The following MPRIP variants were observed in gnomAD, a reference collection of about 807,000 sequenced individuals.
MPRIP encodes the protein myosin phosphatase Rho-interacting protein.
Under a neutral mutation model 234.9 loss-of-function variants are expected in MPRIP, and 59 were observed. The observed-to-expected ratio is 0.25, with a 90% confidence interval of 0.20 to 0.31. MPRIP has a LOEUF of 0.31. Ranked by LOEUF, MPRIP falls within the 10% of genes least tolerant of loss-of-function variation. The pLI is 1.00. For missense variants in MPRIP, 2,436 were observed against 3,071.0 expected, an observed-to-expected ratio of 0.79 and a Z score of 4.89; for synonymous variants, 1,144 against 1,263.9, an observed-to-expected ratio of 0.91 and a Z score of 2.01.
At chr17:17,114,226 G>A (rs1445355349) in intron 3 of MPRIP, among the ~76,000 whole-genome samples, 1 of 151,974 alleles carries the variant, frequency 6.6e-6, no homozygotes, top group African/African-American at 2.4e-5. Flanking sequence ...TTGGCCATTT[G>A]TATATCTTCT....
intron 11 of MPRIP, 79 bp downstream of exon 11, chr17:17,147,466 C>G: frequency 7.4e-7 from 1 of 1,352,718 alleles, no homozygotes; most frequent in Non-Finnish European, 1.1e-6. Context: ...AGATCTGCTT[C>G]CCCCTGGGCT....
intron 4 of MPRIP, among the ~76,000 whole-genome samples, chr17:17,131,308 G>T (rs2090591895): frequency 6.6e-6 from 1 of 152,236 alleles, no homozygotes; most frequent in African/African-American, 2.4e-5. Flanking sequence ...CACTCTGGGA[G>T]AGCAGTGTTA....
intron 5 of MPRIP, among the ~76,000 whole-genome samples, chr17:17,132,227 C>T (rs1832804230): frequency 6.6e-6 from 1 of 152,184 alleles, no homozygotes; most frequent in African/African-American, 2.4e-5. Context: ...GATCCTCCTT[C>T]CCTCCCTGGC....
intron 1 of MPRIP, among the ~76,000 whole-genome samples, chr17:17,047,112 C>G (rs1161286143): frequency 6.6e-6 from 1 of 152,178 alleles, no homozygotes; most frequent in African/African-American, 2.4e-5. Context: ...ACCCAGGAGG[C>G]AGAGGTTGCA....
intron 1 of MPRIP, among the ~76,000 whole-genome samples, chr17:17,067,865 C>G (rs1418499855): frequency 1.4e-5 from 2 of 139,376 alleles, no homozygotes; most frequent in Non-Finnish European, 3.0e-5. Flanking sequence ...TTAGAAATCT[C>G]CAGTAAAACC....
chr17:17,059,867 G>C (rs1207557110), intron 1 of MPRIP, among the ~76,000 whole-genome samples: 3 of 152,186 alleles, frequency 2.0e-5, no homozygotes, highest in African/African-American at 7.2e-5. Context: ...GCTGTTCTGA[G>C]TTCTGGGACC....
chr17:17,074,614 C>A (rs1011675457), intron 1 of MPRIP, among the ~76,000 whole-genome samples: 5 of 152,228 alleles, frequency 3.3e-5, no homozygotes, highest in African/African-American at 1.2e-4. Flanking sequence ...ACGAAAGAAA[C>A]CCCATACCTG....
intron 13 of MPRIP, among the ~76,000 whole-genome samples, chr17:17,155,657 C>CTG (rs1032181726): frequency 6.6e-6 from 1 of 152,276 alleles, no homozygotes; most frequent in Non-Finnish European, 1.5e-5. Flanking sequence ...TTTTCTGTGT[C>CTG]TGTCATTTGT....
Position 17,174,032 on chromosome 17 carries a change from G to A in MPRIP, c.6707G>A (p.Arg2236Gln), listed in dbSNP as rs757260448. Residue 2236 changes from arginine to glutamine, a missense_variant, in exon 19 of 24, where the codon CGG becomes CAG. Transcript: ENST00000651222. ...QALEAERQAL[R>Q]QCQRENQELN... ...CTGGAGGCCGAGCGGCAGGCCCTGC[G>A]GCAGTGCCAGCGTGAGAACCAGGAG... The A allele has an allele frequency of 8.7e-6, 14 of 1,613,286 alleles. No homozygotes were observed. Among genetic ancestry groups the A allele is most frequent in the Admixed American group, 5.0e-5 (3 of 60,002 alleles).
rs529754054 is a variant in MPRIP at position 17,048,578 on chromosome 17, C to T, written c.123+5607C>T. 3.3e-5 allele frequency among the ~76,000 whole-genome samples: 5 copies of T among 152,204 alleles called. No individual in the cohort carries two copies. In the South Asian group the frequency reaches 1.0e-3, roughly 32 times the overall value. On this transcript the variant is annotated intron_variant, in intron 1 of 23. Coordinates refer to ENST00000651222, the MANE Select transcript of MPRIP (RefSeq NM_001364716.4). ...AATCCCATTTCAGACGGCCAAGCAC[C>T]ATGACAAATGCTCAGCGTTGTCATC...
At chr17:17,142,955 C>T (rs945092827) in intron 8 of MPRIP, among the ~76,000 whole-genome samples, 190 bp downstream of exon 8, 4 of 152,168 alleles carry the variant, frequency 2.6e-5, no homozygotes, top group Non-Finnish European at 4.4e-5. Flanking sequence ...GAGCCTTCTC[C>T]GTCTCTGCTG....
intron 11 of MPRIP, 79 bp from the exon 12 acceptor site, chr17:17,150,065 A>G: frequency 9.7e-7 from 1 of 1,029,224 alleles, no homozygotes; most frequent in East Asian, 2.4e-5. Flanking sequence ...AGTGCAGAAA[A>G]TCACTTACGG....
rs1485181220 is a variant in MPRIP at position 17,165,451 on chromosome 17, A to G, written c.3860A>G (p.Asp1287Gly). The change falls in exon 16 of 24, where the codon GAC (aspartate) becomes GGC (glycine). Residue 1287 changes from aspartate to glycine, a missense_variant. Physicochemically the swap from Asp to Gly is moderately conservative, Grantham distance 94. This residue lies in a region of MPRIP where 1,998 missense variants were observed against 2,520.3 expected (regional missense o/e 0.79). Transcript: ENST00000651222. ...GGTGATGGCAGCCCCAGTAGGGAAG[A>G]CAGCATGGTGCCCCCAAAGTCAGTG... ...EYGDGSPSRE[D>G]SMVPPKSVEV... is the part of the protein sequence containing the mutation. 2.3e-6 allele frequency: 3 copies of G among 1,304,114 alleles called. No individual in the cohort carries two copies. The highest frequency in any genetic ancestry group is 2.3e-5 in the Admixed American group (1 of 43,550). The allele number at this position is 1,304,114 out of a possible 1,614,324, so 80.8% of individuals were successfully genotyped here.
chr17:17,098,864 G>C (rs967840222), intron 3 of MPRIP, among the ~76,000 whole-genome samples: 1 of 151,940 alleles, frequency 6.6e-6, no homozygotes, highest in African/African-American at 2.4e-5. Context: ...CCACCCCCCA[G>C]CATTGGATGC....
chr17:17,106,349 CT>C (rs1439077135), intron 3 of MPRIP, among the ~76,000 whole-genome samples: 6 of 152,258 alleles, frequency 3.9e-5, no homozygotes, highest in Non-Finnish European at 4.4e-5. Flanking sequence ...AGAAGCCCCT[CT>C]GCCCAGAGGA....
chr17:17,093,170 A>G (rs1027775348), intron 3 of MPRIP, among the ~76,000 whole-genome samples: 14 of 152,204 alleles, frequency 9.2e-5, no homozygotes, highest in African/African-American at 3.4e-4. Context: ...AGAACACATC[A>G]GTCATTTGGT....
intron 3 of MPRIP, among the ~76,000 whole-genome samples, chr17:17,126,404 A>G (rs4985701): frequency 0.84 from 127,450 of 152,160 alleles, 53,611 homozygotes; most frequent in East Asian, 0.99. Flanking sequence ...CCAGGATCTC[A>G]GCTGCCCCTG....
Position 17,042,498 on chromosome 17 carries a change from GGGCGCCGAGGGCAGCTGCGGC to G in MPRIP, c.-345_-325del, listed in dbSNP as rs1318935321. ...TCCGGTCCCATTTGCAGCGGCCGCGGGGCGCCGAGGGCAGCTGCGGCGGCGCGGACGAGCCGGGACGGCGGC... is the reference window on the plus strand; with the variant it reads ...TCCGGTCCCATTTGCAGCGGCCGCGGGGCGCGGACGAGCCGGGACGGCGGC... On this transcript the variant is annotated 5_prime_UTR_variant, in exon 1 of 24. Transcript: ENST00000651222. 1.4e-5 allele frequency: 2 copies of G among 146,982 alleles called. No individual in the cohort carries two copies. The highest frequency in any genetic ancestry group is 3.9e-4 in the South Asian group (2 of 5,162). The allele number at this position is 146,982 out of a possible 1,614,324, so 9.1% of individuals were successfully genotyped here.
At chr17:17,168,533 C>T (rs962298858) in intron 16 of MPRIP, 16 of 324,198 alleles carry the variant, frequency 4.9e-5, no homozygotes, top group African/African-American at 3.0e-4. Flanking sequence ...AGTAGATTTT[C>T]CCCAGAACTG....
Sources: allele counts gnomAD v4.1 joint callset (sites outside exome capture counted in the v4.1 genomes callset), GRCh38; gene constraint gnomAD v4.1.1; regional missense constraint gnomAD v4.1.1; transcripts MANE v1.5; gene names NCBI Gene and HGNC (gene_info 2026-07-23, HGNC 2026-07-21).